The following PPP2R2C variants were observed in gnomAD, a reference collection of about 807,000 sequenced individuals.
PPP2R2C encodes protein phosphatase 2, regulatory subunit B, gamma.
Under a neutral mutation model 45.3 loss-of-function variants are expected in PPP2R2C, and 10 were observed. The observed-to-expected ratio is 0.22, with a 90% CI of 0.14 to 0.37. PPP2R2C has a LOEUF of 0.37. Ranked by LOEUF, PPP2R2C falls within the 10% of genes least tolerant of loss-of-function variation. The pLI, the probability that PPP2R2C is intolerant of heterozygous loss-of-function variation, is 1.00. For missense variants in PPP2R2C, 308 were observed against 619.7 expected (o/e 0.50, Z 5.34); for synonymous variants, 257 against 245.4 (o/e 1.05, Z -0.44).
intron 1 of PPP2R2C, chr4:6,383,006 C>G: frequency 1.9e-6 from 2 of 1,078,314 alleles, no homozygotes; most frequent in Non-Finnish European, 2.3e-6. Flanking sequence ...CTTCACCCCT[C>G]CCATGGTGGG....
Position 6,364,350 on chromosome 4 carries a change from A to C in PPP2R2C, c.625+8173T>G, listed in dbSNP as rs371678788. On this transcript the variant is annotated intron_variant, in intron 5 of 8. Transcript: ENST00000382599. The surrounding 1 kb of genome is among the most constrained non-coding windows in gnomAD (Gnocchi z 5.3). Reference sequence around the variant, plus strand: ...CTGAGCCCAGGGAGCAAAGGGAGAGAGGAGGAAGTGGGCCAGGGAGGGGCC... The same window carrying C: ...CTGAGCCCAGGGAGCAAAGGGAGAGCGGAGGAAGTGGGCCAGGGAGGGGCC... Among the ~76,000 whole-genome samples, 2 of 152,286 alleles carry C rather than the reference A, an allele frequency of 1.3e-5. No individual in the cohort carries two copies. Among genetic ancestry groups the C allele is most frequent in the South Asian group, 4.1e-4 (2 of 4,824 alleles).
intron 1 of PPP2R2C, among the ~76,000 whole-genome samples, chr4:6,557,257 C>G (rs1011098525): frequency 6.6e-6 from 1 of 152,068 alleles, no homozygotes; most frequent in East Asian, 1.9e-4. Context: ...TTGGTGTTAT[C>G]CAAACACACC....
At chr4:6,347,191 T>G (rs1376806259) in intron 6 of PPP2R2C, among the ~76,000 whole-genome samples, 1 of 152,194 alleles carries the variant, frequency 6.6e-6, no homozygotes, top group Non-Finnish European at 1.5e-5. Context: ...CTCCTGGGGC[T>G]TGTGTGAAGA....
intron 2 of PPP2R2C, chr4:6,535,252 G>C (rs13141184): frequency 1.3e-6 from 2 of 1,534,920 alleles, no homozygotes; most frequent in Non-Finnish European, 1.7e-6. Context: ...CTGCCCGGCT[G>C]TGAGAACGGG....
At position 6,377,186 on chromosome 4, in the gene PPP2R2C, C is replaced by T. The variant is rs1577124919; in HGVS notation, c.334+1221G>A. Among the ~76,000 whole-genome samples, 4 of 152,182 alleles carry T rather than the reference C, an allele frequency of 2.6e-5. No homozygotes were observed. In the East Asian group the frequency reaches 5.8e-4, roughly 22 times the overall value. ...CCCCGCTGAGGAGCGTGGACGTCCT[C>T]GGGGAAGGCGTGGGGACAGCACCTC... On this transcript the variant is annotated intron_variant, in intron 3 of 8. Coordinates refer to ENST00000382599, the MANE Select transcript of PPP2R2C (RefSeq NM_020416.4).
At chr4:6,462,905 T>G (rs1164745488) in intron 1 of PPP2R2C, among the ~76,000 whole-genome samples, 1 of 152,182 alleles carries the variant, frequency 6.6e-6, no homozygotes, top group Non-Finnish European at 1.5e-5. Flanking sequence ...TTCTCACAAA[T>G]GCAAAGAAGT....
At chr4:6,531,794 C>T (rs1724411675) in intron 2 of PPP2R2C, among the ~76,000 whole-genome samples, 1 of 152,108 alleles carries the variant, frequency 6.6e-6, no homozygotes, top group South Asian at 2.1e-4. Flanking sequence ...CCAGCATTCT[C>T]CAAAGAAGGC....
upstream of PPP2R2C, among the ~76,000 whole-genome samples, chr4:6,476,410 T>G (rs1376564884): frequency 6.6e-6 from 1 of 152,198 alleles, no homozygotes; most frequent in Non-Finnish European, 1.5e-5. Flanking sequence ...GCCCTCATAA[T>G]GGGATTAGCC....
chr4:6,550,437 C>T (rs1725146043), intron 1 of PPP2R2C, among the ~76,000 whole-genome samples: 1 of 152,202 alleles, frequency 6.6e-6, no homozygotes, highest in Non-Finnish European at 1.5e-5. Context: ...GAACTTCACC[C>T]TTCACTAACA....
intron 1 of PPP2R2C, among the ~76,000 whole-genome samples, chr4:6,463,797 T>C (rs553523625): frequency 6.6e-6 from 1 of 152,360 alleles, no homozygotes; most frequent in East Asian, 1.9e-4. Flanking sequence ...TGTCCAATTG[T>C]GGCCTCTGCC....
chr4:6,534,061 A>AAC (rs1162105656), intron 2 of PPP2R2C, among the ~76,000 whole-genome samples: 1 of 150,180 alleles, frequency 6.7e-6, no homozygotes, highest in African/African-American at 2.5e-5. Flanking sequence ...CACACATATC[A>AAC]ACACACACAC....
At chr4:6,557,332 T>G (rs1357578646) in intron 1 of PPP2R2C, among the ~76,000 whole-genome samples, 2 of 151,362 alleles carry the variant, frequency 1.3e-5, no homozygotes, top group Non-Finnish European at 1.5e-5. Flanking sequence ...AGAACACAGA[T>G]GAGTTCTTAC....
chr4:6,441,399 C>T (rs1472126223), intron 1 of PPP2R2C, among the ~76,000 whole-genome samples: 3 of 152,148 alleles, frequency 2.0e-5, no homozygotes, highest in Admixed American at 6.5e-5. Flanking sequence ...CCACGCTCCT[C>T]AGCCCGCCCC....
chr4:6,505,220 T>A (rs1469821178), intron 2 of PPP2R2C, among the ~76,000 whole-genome samples: 1 of 151,920 alleles, frequency 6.6e-6, no homozygotes, highest in Non-Finnish European at 1.5e-5. Flanking sequence ...CCTTCAATTA[T>A]GAAGATGAAG....
At position 6,520,804 on chromosome 4, in the gene PPP2R2C, G is replaced by A. The variant is rs530024317; in HGVS notation, c.49+14467C>T. 3.3e-5 allele frequency among the ~76,000 whole-genome samples: 5 copies of A among 152,280 alleles called. No individual in the cohort carries two copies. The South Asian group carries it at 8.3e-4, about 25-fold the overall frequency. On this transcript the variant is annotated intron_variant, in intron 2 of 9. Coordinates refer to the PPP2R2C transcript ENST00000506140. ...GTATGCCTGCAGTCTTCCCTGCATC[G>A]GGTCACAGATTCTTCCCAGCAACTC...
At chr4:6,385,018 TGGGA>T (rs1340313471) in intron 1 of PPP2R2C, among the ~76,000 whole-genome samples, 3 of 152,166 alleles carry the variant, frequency 2.0e-5, no homozygotes, top group African/African-American at 7.2e-5. Context: ...TGAGAGGGTC[TGGGA>T]GGGAGGAAGA....
At chr4:6,375,762 A>G in intron 4 of PPP2R2C, 57 bp downstream of exon 4, 2 of 1,388,586 alleles carry the variant, frequency 1.4e-6, no homozygotes, top group Admixed American at 2.0e-5. Context: ...TTCCAGCCCT[A>G]AAATCCTCAG....
intron 1 of PPP2R2C, among the ~76,000 whole-genome samples, chr4:6,548,980 C>G (rs766136005): frequency 1.2e-4 from 19 of 152,212 alleles, no homozygotes; most frequent in Non-Finnish European, 2.5e-4. Context: ...CCAACATGCT[C>G]TTGAATGTTT....
intron 6 of PPP2R2C, among the ~76,000 whole-genome samples, chr4:6,344,640 G>C (rs1172524253): frequency 6.6e-6 from 1 of 152,138 alleles, no homozygotes; most frequent in African/African-American, 2.4e-5. Context: ...AATCCATCAT[G>C]AAAGTAAAAA....
Sources: gnomAD v4.1 joint callset for allele counts (sites outside exome capture counted in the v4.1 genomes callset) on GRCh38, gnomAD v4.1.1 for gene constraint, Gnocchi (gnomAD v3.1) non-coding constraint, MANE v1.5 for transcripts, NCBI Gene and HGNC (gene_info 2026-07-23, HGNC 2026-07-21) for gene names.